SLC25A21: variants seen among roughly 807,000 people sequenced by gnomAD.
SLC25A21 encodes solute carrier family 25 member 21, also known as mitochondrial 2-oxodicarboxylate carrier.
In SLC25A21, 47 loss-of-function variants were observed where a neutral mutation model predicts 43.8. The observed-to-expected ratio is 1.07, with a 90% CI of 0.85 to 1.37. SLC25A21 has a LOEUF of 1.37. SLC25A21 is among the 40% of genes most tolerant of loss of function. The pLI is 0.00. For missense variants in SLC25A21, 352 were observed against 350.2 expected, an observed-to-expected ratio of 1.00 and a Z score of -0.04; for synonymous variants, 131 against 121.3, an observed-to-expected ratio of 1.08 and a Z score of -0.52.
Position 36,679,526 on chromosome 14 carries a change from G to C in SLC25A21, c.*1132C>G, listed in dbSNP as rs1882098869. The C allele has an allele frequency of 1.0e-6, 1 of 985,230 alleles. No individual in the cohort carries two copies. The highest frequency in any genetic ancestry group is 4.7e-5 in the South Asian group (1 of 21,284). The allele number at this position is 985,230 out of a possible 1,614,324, so 61.0% of individuals were successfully genotyped here. On this transcript the variant is annotated 3_prime_UTR_variant, in exon 10 of 10. Transcript: ENST00000331299. ...TCTCTGGATGCAGATATAAAATCAA[G>C]TTTGGTTACATCAAGACCAAGGAGA...
At chr14:36,748,808 T>A (rs974118057) in intron 3 of SLC25A21, among the ~76,000 whole-genome samples, 1 of 152,176 alleles carries the variant, frequency 6.6e-6, no homozygotes, top group African/African-American at 2.4e-5. Context: ...CACGTGGATG[T>A]CTAACAGGCA....
chr14:36,938,317 T>C (rs1266194428), intron 1 of SLC25A21, among the ~76,000 whole-genome samples: 1 of 152,136 alleles, frequency 6.6e-6, no homozygotes, highest in Non-Finnish European at 1.5e-5. Flanking sequence ...TTAACTAAGA[T>C]TCCACAGGGG....
intron 6 of SLC25A21, among the ~76,000 whole-genome samples, chr14:36,719,637 T>C (rs1463990656): frequency 6.6e-6 from 1 of 152,194 alleles, no homozygotes. Flanking sequence ...GTGGCAAGGA[T>C]TATAGTCTTT....
intron 1 of SLC25A21, among the ~76,000 whole-genome samples, chr14:37,148,930 T>C (rs1963713054): frequency 6.6e-6 from 1 of 152,242 alleles, no homozygotes; most frequent in Non-Finnish European, 1.5e-5. Flanking sequence ...TATATAATGC[T>C]GGATGACGGC....
intron 3 of SLC25A21, among the ~76,000 whole-genome samples, chr14:36,760,707 CCTGT>C (rs1006694127): frequency 2.6e-5 from 4 of 152,152 alleles, no homozygotes; most frequent in Non-Finnish European, 5.9e-5. Flanking sequence ...TTTTTCACCT[CCTGT>C]CTAACTCCGT....
At chr14:37,081,617 A>G (rs4906569) in intron 1 of SLC25A21, among the ~76,000 whole-genome samples, 2,707 of 152,334 alleles carry the variant, frequency 0.018, 75 homozygotes, top group Admixed American at 0.066. Context: ...GCCCAAAACC[A>G]TTATTGGCTT....
At chr14:36,916,534 C>T (rs901904871) in intron 1 of SLC25A21, among the ~76,000 whole-genome samples, 2 of 152,148 alleles carry the variant, frequency 1.3e-5, no homozygotes, top group African/African-American at 2.4e-5. Context: ...TGCAAATATG[C>T]CGATGGAGTC....
In SLC25A21 at chr14:36,690,627, G is replaced by C. The variant is rs182540399; in HGVS notation, c.604-5702C>G. On this transcript the variant is annotated intron_variant, in intron 7 of 9. Coordinates refer to ENST00000331299, the MANE Select transcript of SLC25A21 (RefSeq NM_030631.4). ...CTAGAGTTGGATATGAAGGTAAATG[G>C]TCCAGAGAGGGGACTGGGAATGGGC... is the stretch of plus-strand genomic sequence containing the variant. Among the ~76,000 whole-genome samples, 100 of 152,254 alleles carry C rather than the reference G, an allele frequency of 6.6e-4. 2 individuals are homozygous for C. The highest frequency in any genetic ancestry group is 6.5e-3 in the Admixed American group (100 of 15,294).
intron 3 of SLC25A21, 56 bp downstream of exon 3, chr14:36,813,862 G>A (rs1400098321): frequency 7.9e-7 from 1 of 1,267,800 alleles, no homozygotes; most frequent in Non-Finnish European, 1.1e-6. Context: ...CATTCGAAAT[G>A]AGAAAACATG....
chr14:36,716,836 G>A (rs925421351), intron 6 of SLC25A21, among the ~76,000 whole-genome samples: 2 of 152,326 alleles, frequency 1.3e-5, no homozygotes, highest in South Asian at 4.1e-4. Context: ...AGGCTTGGGT[G>A]TGTCAGTGGA....
chr14:37,020,881 G>A (rs570526208), intron 1 of SLC25A21, among the ~76,000 whole-genome samples: 1 of 151,982 alleles, frequency 6.6e-6, no homozygotes, highest in South Asian at 2.1e-4. Context: ...CAGGTTAAAT[G>A]AAAAACGGAA....
chr14:36,727,917 A>G (rs142501244), intron 5 of SLC25A21, among the ~76,000 whole-genome samples: 135 of 152,318 alleles, frequency 8.9e-4, no homozygotes, highest in African/African-American at 3.2e-3. Context: ...TGACTGGGAA[A>G]GCTAAAATCC....
chr14:36,679,480 G>T lies in SLC25A21; in HGVS notation c.*1178C>A, dbSNP rs557865767. ...ATATGGACTTTCAGTTATTCTTGTT[G>T]ACTTTACTGAATCAGCATCATCTCT... On this transcript the variant is annotated 3_prime_UTR_variant, in exon 10 of 10. Coordinates refer to ENST00000331299, the MANE Select transcript of SLC25A21 (RefSeq NM_030631.4). 1 of 985,336 alleles carries T rather than the reference G, an allele frequency of 1.0e-6. No homozygotes were observed. Among genetic ancestry groups the T allele is most frequent in the African/African-American group, 1.7e-5 (1 of 57,332 alleles). 61.0% of individuals were successfully genotyped at this position (985,336 alleles called of 1,614,324 possible). A position where few individuals can be genotyped will look rare whatever the true frequency, so the allele number is the denominator to read the frequency against.
At chr14:36,842,796 G>A (rs1889425893) in intron 2 of SLC25A21, among the ~76,000 whole-genome samples, 1 of 152,128 alleles carries the variant, frequency 6.6e-6, no homozygotes, top group Non-Finnish European at 1.5e-5. Context: ...TCATCCTGGT[G>A]CCACAGAAGT....
intron 7 of SLC25A21, among the ~76,000 whole-genome samples, chr14:36,692,202 C>CA (rs1193424019): frequency 1.3e-5 from 2 of 152,190 alleles, no homozygotes; most frequent in African/African-American, 4.8e-5. Flanking sequence ...AGCCCCTCTT[C>CA]AGGGAGATCA....
intron 1 of SLC25A21, among the ~76,000 whole-genome samples, chr14:37,156,417 T>G (rs1963851430): frequency 1.3e-5 from 2 of 151,940 alleles, no homozygotes; most frequent in African/African-American, 4.8e-5. Context: ...GCCTCACATA[T>G]CAATAATATC....
chr14:37,160,522 C>T (rs561979475), intron 1 of SLC25A21, among the ~76,000 whole-genome samples: 151 of 152,012 alleles, frequency 9.9e-4, no homozygotes, highest in Middle Eastern at 3.4e-3. Flanking sequence ...AACATTTGAA[C>T]GCATGGAAGT....
intron 3 of SLC25A21, among the ~76,000 whole-genome samples, chr14:36,803,604 A>G (rs1227874812): frequency 6.6e-6 from 1 of 152,086 alleles, no homozygotes; most frequent in African/African-American, 2.4e-5. Flanking sequence ...ACTTTATCTC[A>G]TTTTTTGTCA....
chr14:36,758,682 T>C (rs960238284), intron 3 of SLC25A21, among the ~76,000 whole-genome samples: 2 of 151,756 alleles, frequency 1.3e-5, no homozygotes, highest in African/African-American at 4.8e-5. Context: ...GCAGCAATGA[T>C]TCCCCTTTGC....
Sources: gnomAD v4.1 joint callset for allele counts (sites outside exome capture counted in the v4.1 genomes callset) on GRCh38, gnomAD v4.1.1 for gene constraint, MANE v1.5 for transcripts, NCBI Gene and HGNC (gene_info 2026-07-23, HGNC 2026-07-21) for gene names.